The following APC variants were observed in gnomAD, a reference collection of about 807,000 sequenced individuals.
APC encodes the protein adenomatous polyposis coli protein.
In APC, 72 loss-of-function variants were observed where a neutral mutation model predicts 247.0. The ratio of observed to expected loss-of-function variants is 0.29; its 90% CI spans 0.24 to 0.35. The LOEUF (loss-of-function observed/expected upper bound fraction) is 0.35, where lower values mean the gene tolerates loss of function less well. Among genes scored for constraint, APC ranks in the 10% least tolerant of loss-of-function variants. The pLI, the probability that APC is intolerant of heterozygous loss-of-function variation, is 1.00. For missense variants in APC, 3,400 were observed against 3,360.7 expected (o/e 1.01, Z -0.29); for synonymous variants, 1,254 against 1,162.5 (o/e 1.08, Z -1.60).
At chr5:112,769,493 T>C (rs1756784439) in intron 4 of APC, among the ~76,000 whole-genome samples, 1 of 150,792 alleles carries the variant, frequency 6.6e-6, no homozygotes, top group East Asian at 2.0e-4. Context: ...TACCAAAATA[T>C]AGATCATTAT....
intron 9 of APC, among the ~76,000 whole-genome samples, chr5:112,816,488 T>C (rs1762524216): frequency 6.6e-6 from 1 of 152,160 alleles, no homozygotes; most frequent in Non-Finnish European, 1.5e-5. Flanking sequence ...GGGAATAATG[T>C]TTGAAAAGAA....
intron 7 of APC, among the ~76,000 whole-genome samples, chr5:112,796,826 CT>C (rs1057239366): frequency 4.6e-5 from 7 of 151,826 alleles, no homozygotes; most frequent in Non-Finnish European, 7.4e-5. Context: ...ACAGTTAGTT[CT>C]TTCCCCCCCA....
At position 112,819,013 on chromosome 5, in the gene APC, GGAT is replaced by G; in HGVS notation, c.985_987del (p.Asp329del). On this transcript the variant is annotated inframe_deletion, in exon 10 of 16. Transcript: ENST00000257430. ...TGTCAATGCTTGGTACTCATGATAA[GGAT>G]GATATGTCGCGAACTTTGCTAGCTA... The G allele has an allele frequency of 6.2e-7, 1 of 1,614,042 alleles. No individual in the cohort carries two copies. Among genetic ancestry groups the G allele is most frequent in the Non-Finnish European group, 8.5e-7 (1 of 1,179,962 alleles).
At chr5:112,723,665 C>G (rs1269559286) in intron 1 of APC, among the ~76,000 whole-genome samples, 2 of 152,006 alleles carry the variant, frequency 1.3e-5, no homozygotes, top group African/African-American at 4.8e-5. Flanking sequence ...CCAGCCCTGC[C>G]CACAAAAAAC....
At chr5:112,770,023 C>G (rs997607181) in intron 4 of APC, among the ~76,000 whole-genome samples, 5 of 152,180 alleles carry the variant, frequency 3.3e-5, no homozygotes, top group Admixed American at 2.0e-4. Context: ...AGAGGGCATG[C>G]ATACTAACCT....
intron 7 of APC, 52 bp from the exon 8 acceptor site, chr5:112,801,227 A>G (rs1760782539): frequency 6.7e-7 from 1 of 1,488,622 alleles, no homozygotes; most frequent in African/African-American, 1.4e-5. Context: ...GCCTTGGGCT[A>G]AGAAAGCCTA....
At chr5:112,804,570 G>T (rs940508972) in intron 8 of APC, among the ~76,000 whole-genome samples, 1 of 152,162 alleles carries the variant, frequency 6.6e-6, no homozygotes, top group Non-Finnish European at 1.5e-5. Context: ...AGTAGATACA[G>T]GGTCTCATTG....
intron 10 of APC, among the ~76,000 whole-genome samples, chr5:112,820,877 A>T (rs979525445): frequency 6.6e-6 from 1 of 151,962 alleles, no homozygotes; most frequent in Non-Finnish European, 1.5e-5. Context: ...CTCTGTTTGT[A>T]TTGAGACAGG....
intron 1 of APC, among the ~76,000 whole-genome samples, chr5:112,747,177 A>G (rs1045702759): frequency 1.3e-5 from 2 of 152,114 alleles, no homozygotes; most frequent in African/African-American, 4.8e-5. Flanking sequence ...CAGCAACTCA[A>G]ATAGCCAAAA....
Position 112,841,945 on chromosome 5 carries a change from A to AGCTGCT in APC, c.6360_6365dup (p.Ala2121_Ala2122dup), listed in dbSNP as rs587780602. 2 of 1,613,922 alleles carry AGCTGCT rather than the reference A, an allele frequency of 1.2e-6. No homozygotes were observed. The highest frequency in any genetic ancestry group is 4.5e-5 in the East Asian group (2 of 44,878). On this transcript the variant is annotated inframe_insertion, in exon 16 of 16. Coordinates refer to ENST00000257430, the MANE Select transcript of APC (RefSeq NM_000038.6). The surrounding 1 kb of genome is among the most constrained non-coding windows in gnomAD (Gnocchi z 4.6). Reference sequence around the variant, plus strand: ...ATTCCATAGTAAGTAGTTTACATCAAGCTGCTGCTGCTGCATGTTTATCTA... The same window carrying AGCTGCT: ...ATTCCATAGTAAGTAGTTTACATCAAGCTGCTGCTGCTGCTGCTGCATGTTTATCTA...
intron 6 of APC, chr5:112,783,779 AAAAAAG>A: frequency 1.0e-5 from 4 of 394,842 alleles, no homozygotes; most frequent in Non-Finnish European, 1.5e-5. Flanking sequence ...AAAAAAAAAA[AAAAAAG>A]AGAAAGAAAG....
chr5:112,831,966 C>T (rs1764347928), intron 14 of APC, among the ~76,000 whole-genome samples: 1 of 152,146 alleles, frequency 6.6e-6, no homozygotes, highest in African/African-American at 2.4e-5. Flanking sequence ...ACTGGCTGTA[C>T]TATCTTGAGT....
intron 7 of APC, among the ~76,000 whole-genome samples, chr5:112,796,968 A>G (rs1760272917): frequency 6.6e-6 from 1 of 152,050 alleles, no homozygotes; most frequent in African/African-American, 2.4e-5. Context: ...CCTCTATTTT[A>G]TTTAATGCTG....
At chr5:112,787,923 C>T (rs1191029765) in intron 6 of APC, among the ~76,000 whole-genome samples, 1 of 151,980 alleles carries the variant, frequency 6.6e-6, no homozygotes, top group Non-Finnish European at 1.5e-5. Flanking sequence ...ATGTATATTA[C>T]TTATATATGT....
At chr5:112,794,241 T>G (rs1319123583) in intron 7 of APC, among the ~76,000 whole-genome samples, 2 of 152,042 alleles carry the variant, frequency 1.3e-5, no homozygotes, top group South Asian at 2.1e-4. Context: ...CCACCATGCC[T>G]GACTAATTTT....
chr5:112,707,816 C>CGTCCGGCAGG lies in APC; in HGVS notation c.100_109dup (p.Glu37GlyfsTer26). On this transcript the variant is annotated frameshift_variant, in exon 1 of 14. Transcript: ENST00000507379. LOFTEE classifies it high-confidence loss of function. ...GGAGCACCGGCGGCAGCAGGAGCTG[C>CGTCCGGCAGG]GTCCGGCAGGAGACGAAGAGCCCGG... 1 of 1,370,618 alleles carries CGTCCGGCAGG rather than the reference C, an allele frequency of 7.3e-7. No homozygotes were observed. Among genetic ancestry groups the CGTCCGGCAGG allele is most frequent in the African/African-American group, 1.4e-5 (1 of 69,876 alleles). 84.9% of individuals were successfully genotyped at this position (1,370,618 alleles called of 1,614,324 possible).
chr5:112,787,647 G>A (rs543094018), intron 6 of APC, among the ~76,000 whole-genome samples: 3 of 152,176 alleles, frequency 2.0e-5, no homozygotes, highest in African/African-American at 7.2e-5. Flanking sequence ...TAAATGTCTT[G>A]TTTTCATTTG....
chr5:112,754,025 T>C (rs928497589), intron 1 of APC, among the ~76,000 whole-genome samples: 2 of 152,192 alleles, frequency 1.3e-5, no homozygotes, highest in Non-Finnish European at 2.9e-5. Flanking sequence ...CTTACCTGGC[T>C]ATCTTTTGTA....
rs77551834 is a variant in APC at position 112,822,783 on chromosome 5, A to T, written c.1408+792A>T. Among the ~76,000 whole-genome samples, 822 of 152,218 alleles carry T rather than the reference A, an allele frequency of 5.4e-3. 18 individuals carry two copies. The East Asian group carries it at 0.079, about 15-fold the overall frequency. On this transcript the variant is annotated intron_variant, in intron 11 of 15. Coordinates refer to ENST00000257430, the MANE Select transcript of APC (RefSeq NM_000038.6). ...TGTGCCCTTGCTTTTTGTGCCGTTT[A>T]TGTTACATTATGTTCCAGCCACCAC...
Sources: gnomAD v4.1 joint callset for allele counts (sites outside exome capture counted in the v4.1 genomes callset) on GRCh38, gnomAD v4.1.1 for gene constraint, Gnocchi (gnomAD v3.1) non-coding constraint, MANE v1.5 for transcripts, NCBI Gene and HGNC (gene_info 2026-07-23, HGNC 2026-07-21) for gene names.